MEN1: variants seen among roughly 807,000 people sequenced by gnomAD.
MEN1 encodes the protein menin 1.
A neutral mutation model predicts 58.0 loss-of-function variants in MEN1; 6 were observed. That is an observed-to-expected ratio of 0.10 (90% CI 0.06 to 0.20). MEN1 has a LOEUF of 0.20. MEN1 is among the 10% of genes least tolerant of loss of function. The pLI, the probability that MEN1 is intolerant of heterozygous loss-of-function variation, is 1.00. For synonymous variants in MEN1, 346 were observed against 350.7 expected (o/e 0.99, Z 0.15); for missense variants, 492 against 818.5 (o/e 0.60, Z 4.87).
rs919894964 is a variant in MEN1 at position 64,807,322 on chromosome 11, C to T, written c.784-103G>A. 7.1e-7 allele frequency: 1 copy of T among 1,399,754 alleles called. No homozygotes were observed. The highest frequency in any genetic ancestry group is 9.9e-7 in the Non-Finnish European group (1 of 1,014,994). 86.7% of individuals were successfully genotyped at this position (1,399,754 alleles called of 1,614,324 possible). A position where few individuals can be genotyped will look rare whatever the true frequency, so the allele number is the denominator to read the frequency against. On this transcript the variant is annotated intron_variant, in intron 4 of 9. Coordinates refer to ENST00000450708, the MANE Select transcript of MEN1 (RefSeq NM_001370259.2). This position sits in a 1 kb window ranked among gnomAD's most constrained non-coding sequence, Gnocchi z 4.9. ...GGTCAGAACCAACAGGGACCACCCACCATGTGGAAGGGCCAAAATTCTGGG... is the reference window on the plus strand; with the variant it reads ...GGTCAGAACCAACAGGGACCACCCATCATGTGGAAGGGCCAAAATTCTGGG...
At chr11:64,805,244 C>G (rs199855447) in intron 8 of MEN1, 46 bp from the exon 9 acceptor site, 2 of 1,601,802 alleles carry the variant, frequency 1.2e-6, no homozygotes, top group East Asian at 2.2e-5. Context: ...CTTACTCACC[C>G]CTTAGCAGAG....
chr11:64,805,941 G>A lies in MEN1; in HGVS notation c.1050-171C>T, dbSNP rs573029921. On this transcript the variant is annotated intron_variant, in intron 7 of 9. Transcript: ENST00000450708. ...AGAGGAAGAAAGCAAGAATGAGGAG[G>A]GGGGCATGGGGCCGAGGGTGGAAGT... The A allele has an allele frequency of 1.9e-4, 135 of 723,798 alleles. 3 individuals are homozygous for A. The South Asian group carries it at 2.0e-3, about 11-fold the overall frequency. The allele number at this position is 723,798 out of a possible 1,614,324, so 44.8% of individuals were successfully genotyped here. A position where few individuals can be genotyped will look rare whatever the true frequency, so the allele number is the denominator to read the frequency against.
At chr11:64,811,171 A>C (rs1198878677), upstream of MEN1, 1 of 151,564 alleles carries the variant, frequency 6.6e-6, no homozygotes, top group East Asian at 2.0e-4. Context: ...ATCTGGGCTC[A>C]CTGCAGCCTC....
chr11:64,806,574 A>C (rs1234348761), intron 6 of MEN1, among the ~76,000 whole-genome samples: 2 of 152,180 alleles, frequency 1.3e-5, no homozygotes, highest in Non-Finnish European at 2.9e-5. Flanking sequence ...GGCCTGGGGC[A>C]GACTGCAGGG....
At chr11:64,809,408 G>A (rs1015365274) in intron 2 of MEN1, among the ~76,000 whole-genome samples, 1 of 152,140 alleles carries the variant, frequency 6.6e-6, no homozygotes, top group Admixed American at 6.6e-5. Flanking sequence ...CAGTGGCAAG[G>A]GTGGGGGTGC....
At chr11:64,806,138 G>A (rs770776608) in intron 7 of MEN1, 94 bp downstream of exon 7, 101 of 1,538,324 alleles carry the variant, frequency 6.6e-5, no homozygotes, top group East Asian at 9.0e-5. Context: ...GGGATGGGGC[G>A]TGGGAGCCAG....
In MEN1 at chr11:64,804,073, T is replaced by G. The variant is rs1351572569; in HGVS notation, c.*261A>C. On this transcript the variant is annotated 3_prime_UTR_variant, in exon 10 of 10. Coordinates refer to ENST00000450708, the MANE Select transcript of MEN1 (RefSeq NM_001370259.2). This position sits in a 1 kb window ranked among gnomAD's most constrained non-coding sequence, Gnocchi z 4.2. Reference sequence around the variant, plus strand: ...GGGCTGGGCCTTTAAAGACTGGTAATTAGGACCCAGCGTGAGGTTTCCATT... The same window carrying G: ...GGGCTGGGCCTTTAAAGACTGGTAAGTAGGACCCAGCGTGAGGTTTCCATT... 3 of 531,324 alleles carry G rather than the reference T, an allele frequency of 5.6e-6. No homozygotes were observed. The East Asian group carries it at 9.8e-5, about 17-fold the overall frequency. 32.9% of individuals were successfully genotyped at this position (531,324 alleles called of 1,614,324 possible).
At position 64,804,541 on chromosome 11, in the gene MEN1, T is replaced by C. The variant is rs2136082421; in HGVS notation, c.1626A>G (p.Ala542=). Residue 542 remains alanine, a synonymous_variant, in exon 10 of 10, where the codon GCA becomes GCG. Coordinates refer to ENST00000450708, the MANE Select transcript of MEN1 (RefSeq NM_001370259.2). The surrounding 1 kb of genome is among the most constrained non-coding windows in gnomAD (Gnocchi z 4.2). The part of the protein sequence containing the change: ...GSTAQVPAPT[A]SPPPEGPVLT... ...GCACTGGACCCTCCGGCGGTGGTGATGCTGTGGGTGCTGGCACCTGAGCCG... is the reference window on the plus strand; with the variant it reads ...GCACTGGACCCTCCGGCGGTGGTGACGCTGTGGGTGCTGGCACCTGAGCCG... The C allele has an allele frequency of 6.2e-7, 1 of 1,613,954 alleles. No individual in the cohort carries two copies. The highest frequency in any genetic ancestry group is 8.5e-7 in the Non-Finnish European group (1 of 1,180,012).
Position 64,807,131 on chromosome 11 carries a change from A to C in MEN1, c.825-33T>G, listed in dbSNP as rs1430006668. ...AGGATCATAATTCAGGCTGCCACCCAGCCCCCCGGCCTCACCAGGCGCAGC... is the reference window on the plus strand; with the variant it reads ...AGGATCATAATTCAGGCTGCCACCCCGCCCCCCGGCCTCACCAGGCGCAGC... On this transcript the variant is annotated intron_variant, in intron 5 of 9. Transcript: ENST00000450708. The surrounding 1 kb of genome is among the most constrained non-coding windows in gnomAD (Gnocchi z 4.9). 6.2e-7 allele frequency: 1 copy of C among 1,613,970 alleles called. No homozygotes were observed. The highest frequency in any genetic ancestry group is 8.5e-7 in the Non-Finnish European group (1 of 1,179,896).
At position 64,808,080 on chromosome 11, in the gene MEN1, G is replaced by A. The variant is rs936786553; in HGVS notation, c.465C>T (p.Ser155=). ...CCCCAACCACAGCAAAGGCCACACCGGAGCTGTCCAATTTGGTGCCTGTGG... is the reference window on the plus strand; with the variant it reads ...CCCCAACCACAGCAAAGGCCACACCAGAGCTGTCCAATTTGGTGCCTGTGG... The part of the protein sequence containing the change: ...SFITGTKLDS[S]GVAFAVVGAC... The change falls in exon 3 of 10, where the codon TCC becomes TCT. Residue 155 remains serine (S), a synonymous_variant. Transcript: ENST00000450708. The A allele has an allele frequency of 5.6e-6, 9 of 1,612,706 alleles. No homozygotes were observed. Among genetic ancestry groups the A allele is most frequent in the Admixed American group, 1.7e-5 (1 of 59,828 alleles).
At position 64,804,220 on chromosome 11, in the gene MEN1, T is replaced by G; in HGVS notation, c.*114A>C. On this transcript the variant is annotated 3_prime_UTR_variant, in exon 10 of 10. Transcript: ENST00000450708. This position sits in a 1 kb window ranked among gnomAD's most constrained non-coding sequence, Gnocchi z 4.2. Reference sequence around the variant, plus strand: ...TGTACTCGGGACCGGGAACCTAGGGTTTGGGTAGAGGTGAGGCCTGTCCCC... The same window carrying G: ...TGTACTCGGGACCGGGAACCTAGGGGTTGGGTAGAGGTGAGGCCTGTCCCC... 7.2e-7 allele frequency: 1 copy of G among 1,390,858 alleles called. No individual in the cohort carries two copies. Among genetic ancestry groups the G allele is most frequent in the Non-Finnish European group, 1.0e-6 (1 of 986,208 alleles). 86.2% of individuals were successfully genotyped at this position (1,390,858 alleles called of 1,614,324 possible). A position where few individuals can be genotyped will look rare whatever the true frequency, so the allele number is the denominator to read the frequency against.
At position 64,804,877 on chromosome 11, in the gene MEN1, G is replaced by C; in HGVS notation, c.1351-61C>G. 1.3e-6 allele frequency: 2 copies of C among 1,595,510 alleles called. No individual in the cohort carries two copies. Among genetic ancestry groups the C allele is most frequent in the Non-Finnish European group, 1.7e-6 (2 of 1,178,120 alleles). On this transcript the variant is annotated intron_variant, in intron 9 of 9. Transcript: ENST00000450708. This position sits in a 1 kb window ranked among gnomAD's most constrained non-coding sequence, Gnocchi z 4.2. Reference sequence around the variant, plus strand: ...TGCCGGCCAGTGGCTGGAACTCCAGGACCCTGCTCTGGCCATCCCATCCCA... The same window carrying C: ...TGCCGGCCAGTGGCTGGAACTCCAGCACCCTGCTCTGGCCATCCCATCCCA...
At chr11:64,810,406 C>T (rs1942052237) in intron 1 of MEN1, 108 bp downstream of exon 1, 1 of 483,232 alleles carries the variant, frequency 2.1e-6, no homozygotes, top group Admixed American at 3.5e-5. Context: ...CCGCCCCGCC[C>T]CCTCTCTACG....
At chr11:64,808,662 T>G (rs1941907470) in intron 2 of MEN1, among the ~76,000 whole-genome samples, 2 of 152,192 alleles carry the variant, frequency 1.3e-5, no homozygotes, top group South Asian at 4.1e-4. Flanking sequence ...TCAAACATTT[T>G]TGACCAGGTG....
chr11:64,806,419 T>C, intron 6 of MEN1, 51 bp from the exon 7 acceptor site: 1 of 1,610,874 alleles, frequency 6.2e-7, no homozygotes, highest in South Asian at 1.1e-5. Context: ...CCAGCTGCCC[T>C]GCTGGCACAA....
At position 64,809,488 on chromosome 11, in the gene MEN1, C is replaced by T. The variant is rs192961797; in HGVS notation, c.445+177G>A. Among the ~76,000 whole-genome samples the T allele has an allele frequency of 6.0e-4, 92 of 152,180 alleles. 1 individual carries two copies. The East Asian group carries it at 0.017, about 27-fold the overall frequency. ...GGCTTCACTTCCAGCCCTGCCATGC[C>T]GTGTGTGACTTTGGCATATCATTTC... is the stretch of plus-strand genomic sequence containing the variant. On this transcript the variant is annotated intron_variant, in intron 2 of 9. Coordinates refer to ENST00000450708, the MANE Select transcript of MEN1 (RefSeq NM_001370259.2).
In MEN1 at chr11:64,806,032, G is replaced by A. The variant is rs904311922; in HGVS notation, c.1049+200C>T. 3 of 684,608 alleles carry A rather than the reference G, an allele frequency of 4.4e-6. No individual in the cohort carries two copies. The African/African-American group carries it at 5.4e-5, about 12-fold the overall frequency. The allele number at this position is 684,608 out of a possible 1,614,324, so 42.4% of individuals were successfully genotyped here. On this transcript the variant is annotated intron_variant, in intron 7 of 9. Coordinates refer to ENST00000450708, the MANE Select transcript of MEN1 (RefSeq NM_001370259.2). ...GACTGTTCTGAGAAAAAAAAAATTA[G>A]GAGGAGAGGGGAGGGAGGGAAAGAT... is the stretch of plus-strand genomic sequence containing the variant.
intron 7 of MEN1, 160 bp downstream of exon 7, chr11:64,806,072 A>G (rs1477521538): frequency 3.3e-6 from 3 of 895,970 alleles, no homozygotes; most frequent in Non-Finnish European, 5.2e-6. Context: ...CACCTTAATC[A>G]GGGTCCCTAC....
Position 64,804,300 on chromosome 11 carries a change from G to C in MEN1, c.*34C>G. ...AGTTGGGGGACTAAGGGCGGAGCCT[G>C]GGTCCCCACAAGCGGTCCGAAGTCC... On this transcript the variant is annotated 3_prime_UTR_variant, in exon 10 of 10. Transcript: ENST00000450708. The surrounding 1 kb of genome is among the most constrained non-coding windows in gnomAD (Gnocchi z 4.2). 6.2e-7 allele frequency: 1 copy of C among 1,613,784 alleles called. No homozygotes were observed. The highest frequency in any genetic ancestry group is 8.5e-7 in the Non-Finnish European group (1 of 1,179,808).
Sources: allele counts gnomAD v4.1 joint callset (sites outside exome capture counted in the v4.1 genomes callset), GRCh38; gene constraint gnomAD v4.1.1; non-coding constraint Gnocchi (gnomAD v3.1); transcripts MANE v1.5; gene names NCBI Gene and HGNC (gene_info 2026-07-23, HGNC 2026-07-21).